ZNF296: variants seen among roughly 807,000 people sequenced by gnomAD.
ZNF296 encodes the protein zinc finger protein 342.
Under a neutral mutation model 13.2 loss-of-function variants are expected in ZNF296, and 1 was observed. The ratio of observed to expected loss-of-function variants is 0.08; its 90% CI spans 0.03 to 0.36. The LOEUF is 0.36. Ranked by LOEUF, ZNF296 falls within the 10% of genes least tolerant of loss-of-function variation. The probability of loss-of-function intolerance (pLI) is 0.99; values close to 1 mark genes in which losing one functional copy is unlikely to be tolerated. For synonymous variants in ZNF296, 303 were observed against 289.0 expected, an observed-to-expected ratio of 1.05 and a Z score of -0.49; for missense variants, 555 against 688.2, an observed-to-expected ratio of 0.81 and a Z score of 2.16.
intron 2 of ZNF296, among the ~76,000 whole-genome samples, chr19:45,075,239 G>T (rs1967322938): frequency 6.6e-6 from 1 of 152,180 alleles, no homozygotes; most frequent in African/African-American, 2.4e-5. Context: ...TGAACACTCA[G>T]CTGTACTAGC....
rs139857313 is a variant in ZNF296, at chr19:45,071,520, C to T, written c.*81G>A. The T allele has an allele frequency of 4.0e-3, 5,988 of 1,488,908 alleles. 63 individuals carry two copies. The highest frequency in any genetic ancestry group is 0.035 in the South Asian group (2,540 of 72,816). The allele number at this position is 1,488,908 out of a possible 1,614,324, so 92.2% of individuals were successfully genotyped here. A position where few individuals can be genotyped will look rare whatever the true frequency, so the allele number is the denominator to read the frequency against. On this transcript the variant is annotated 3_prime_UTR_variant, in exon 3 of 3. Coordinates refer to ENST00000303809, the MANE Select transcript of ZNF296 (RefSeq NM_145288.3). ...GGGTGTAAATAAAAGGGAAAATTTA[C>T]TTGGAGAAGGCGGGCAAAAACGAGG...
At position 45,071,841 on chromosome 19, in the gene ZNF296, G is replaced by C; in HGVS notation, c.1188C>G (p.Thr396=). 1 of 1,613,276 alleles carries C rather than the reference G, an allele frequency of 6.2e-7. No individual in the cohort carries two copies. Among genetic ancestry groups the C allele is most frequent in the Non-Finnish European group, 8.5e-7 (1 of 1,179,992 alleles). Residue 396 remains threonine, a synonymous_variant, in exon 3 of 3, where the codon ACC becomes ACG. Coordinates refer to ENST00000303809, the MANE Select transcript of ZNF296 (RefSeq NM_145288.3). The stretch of plus-strand genomic sequence containing the variant: ...GGTGCACCGTCAGGTTGCTGCTGTT[G>C]GTAAAATGCTTCCCGCAGAACTCAC... ...GSCEFCGKHF[T]NSSNLTVHRR... is the part of the protein sequence containing the mutation.
rs369360244 is a variant in ZNF296, at chr19:45,075,809, G to A, written c.352C>T (p.Leu118=). The A allele has an allele frequency of 4.3e-6, 7 of 1,614,046 alleles. No homozygotes were observed. The African/African-American group carries it at 9.3e-5, about 22-fold the overall frequency. Residue 118 remains leucine, a synonymous_variant, in exon 2 of 3, where the codon CTG becomes TTG. Coordinates refer to ENST00000303809, the MANE Select transcript of ZNF296 (RefSeq NM_145288.3). ...ATGGCCTCCAACGGGAAGGTCTGCA[G>A]GCAGCGGCCGCAGGTCAACAGATCT... The part of the protein sequence containing the change: ...HPDLLTCGRC[L]QTFPLEAITA...
At chr19:45,075,910 G>A in intron 1 of ZNF296, 48 bp from the exon 2 acceptor site, 1 of 1,608,516 alleles carries the variant, frequency 6.2e-7, no homozygotes, top group Middle Eastern at 1.9e-4. Context: ...CCAGGATGGG[G>A]GCTGAGGGTG....
Position 45,076,049 on chromosome 19 carries a change from G to C in ZNF296, c.298+27C>G. 1 of 1,575,114 alleles carries C rather than the reference G, an allele frequency of 6.3e-7. No homozygotes were observed. The highest frequency in any genetic ancestry group is 8.6e-7 in the Non-Finnish European group (1 of 1,166,312). ...CACCCGAGGGTCAAAGGTAAGGGAG[G>C]CTGGGCCCAGGGCCCGGGGTGCTCA... is the stretch of plus-strand genomic sequence containing the variant. On this transcript the variant is annotated intron_variant, in intron 1 of 2. Transcript: ENST00000303809. This position sits in a 1 kb window ranked among gnomAD's most constrained non-coding sequence, Gnocchi z 4.9.
chr19:45,075,728 G>T lies in ZNF296; in HGVS notation c.433C>A (p.Arg145Ser). The change falls in exon 2 of 3, where the codon CGC becomes AGC. Residue 145 changes from arginine to serine, a missense_variant. Arg to Ser is a moderately radical substitution (Grantham distance 110, BLOSUM62 -1). Transcript: ENST00000303809. Reference protein sequence around the residue: ...LGCQLFRGPSRGQGSEREELK... With the variant: ...LGCQLFRGPSSGQGSEREELK... ...CTTTACTCACCTGAGCCCTGGCCGCGGCTGGGGCCTCTGAAGAGCTGACAG... is the reference window on the plus strand; with the variant it reads ...CTTTACTCACCTGAGCCCTGGCCGCTGCTGGGGCCTCTGAAGAGCTGACAG... 1 of 1,614,048 alleles carries T rather than the reference G, an allele frequency of 6.2e-7. No homozygotes were observed. The highest frequency in any genetic ancestry group is 8.5e-7 in the Non-Finnish European group (1 of 1,179,994).
intron 2 of ZNF296, among the ~76,000 whole-genome samples, chr19:45,075,213 GC>G (rs752521675): frequency 2.0e-5 from 3 of 152,158 alleles, no homozygotes; most frequent in Admixed American, 2.0e-4. Context: ...GAAGCCAGAA[GC>G]CCCTTCCTTG....
intron 2 of ZNF296, among the ~76,000 whole-genome samples, chr19:45,073,932 G>C (rs1831692528): frequency 6.6e-6 from 1 of 151,792 alleles, no homozygotes; most frequent in South Asian, 2.1e-4. Context: ...TAAGGCAGGA[G>C]AATCGCTTGA....
chr19:45,074,816 TG>T (rs1199545399), intron 2 of ZNF296, among the ~76,000 whole-genome samples: 2 of 152,170 alleles, frequency 1.3e-5, no homozygotes, highest in Non-Finnish European at 2.9e-5. Context: ...AAGGTGCCCA[TG>T]ATTCTCCAAG....
Position 45,071,510 on chromosome 19 carries a change from G to T in ZNF296, c.*91C>A. The T allele has an allele frequency of 1.3e-6, 2 of 1,484,898 alleles. No homozygotes were observed. Among genetic ancestry groups the T allele is most frequent in the Admixed American group, 2.3e-5 (1 of 43,240 alleles). The allele number at this position is 1,484,898 out of a possible 1,614,324, so 92.0% of individuals were successfully genotyped here. A position where few individuals can be genotyped will look rare whatever the true frequency, so the allele number is the denominator to read the frequency against. On this transcript the variant is annotated 3_prime_UTR_variant, in exon 3 of 3. Transcript: ENST00000303809. ...GAGTCCAGACGGGTGTAAATAAAAGGGAAAATTTACTTGGAGAAGGCGGGC... is the reference window on the plus strand; with the variant it reads ...GAGTCCAGACGGGTGTAAATAAAAGTGAAAATTTACTTGGAGAAGGCGGGC...
intron 2 of ZNF296, among the ~76,000 whole-genome samples, chr19:45,072,962 G>A (rs1281517681): frequency 6.6e-6 from 1 of 152,170 alleles, no homozygotes; most frequent in Non-Finnish European, 1.5e-5. Context: ...GTGTTGGCCA[G>A]GCTGGTCTCG....
rs771798339 is a variant in ZNF296 at position 45,072,457 on chromosome 19, G to A, written c.572C>T (p.Ala191Val). The A allele has an allele frequency of 1.9e-6, 3 of 1,613,176 alleles. No homozygotes were observed. Among genetic ancestry groups the A allele is most frequent in the East Asian group, 2.2e-5 (1 of 44,886 alleles). The change falls in exon 3 of 3, where the codon GCC (alanine) becomes GTC (valine). Residue 191 changes from alanine (A) to valine (V), a missense_variant. Coordinates refer to ENST00000303809, the MANE Select transcript of ZNF296 (RefSeq NM_145288.3). ...CAGGCCCAGGAGCGGGGCCTCCGGG[G>A]CCTCTGATTCTGTCTGGTAGATGGA... Reference protein sequence around the residue: ...GLSIYQTESEAPEAPLLGLAE... With the variant: ...GLSIYQTESEVPEAPLLGLAE...
In ZNF296 at chr19:45,072,508, C is replaced by T. The variant is rs371879364; in HGVS notation, c.521G>A (p.Arg174His). The change falls in exon 3 of 3, where the codon CGT becomes CAT. Residue 174 changes from arginine to histidine, a missense_variant. Transcript: ENST00000303809. ...KQFTVAWKLL[R>H]HAQWDHGLSI... ...CAGTCCGTGGTCCCACTGGGCGTGACGCAGCAGCTTCCAGGCCACTGTGAA... is the reference window on the plus strand; with the variant it reads ...CAGTCCGTGGTCCCACTGGGCGTGATGCAGCAGCTTCCAGGCCACTGTGAA... The T allele has an allele frequency of 5.9e-5, 96 of 1,613,758 alleles. No individual in the cohort carries two copies. The highest frequency in any genetic ancestry group is 3.3e-4 in the Middle Eastern group (2 of 6,062).
chr19:45,073,597 C>A (rs1392867615), intron 2 of ZNF296, among the ~76,000 whole-genome samples: 1 of 150,930 alleles, frequency 6.6e-6, no homozygotes, highest in East Asian at 2.0e-4. Flanking sequence ...AGGTTTGAGC[C>A]ACCGCACCCG....
Position 45,072,077 on chromosome 19 carries a change from G to T in ZNF296, c.952C>A (p.Pro318Thr). The T allele has an allele frequency of 6.2e-7, 1 of 1,612,420 alleles. No individual in the cohort carries two copies. Among genetic ancestry groups the T allele is most frequent in the Non-Finnish European group, 8.5e-7 (1 of 1,179,814 alleles). The change falls in exon 3 of 3, where the codon CCA (proline) becomes ACA (threonine). Residue 318 changes from proline (P) to threonine (T), a missense_variant. Pro to Thr is a conservative substitution (Grantham distance 38, BLOSUM62 -1). This residue lies in a region of ZNF296 where 410 missense variants were observed against 548.0 expected (regional missense o/e 0.75). Coordinates refer to ENST00000303809, the MANE Select transcript of ZNF296 (RefSeq NM_145288.3). ...CCAGCCCCCTCACCACCGCTGCATG[G>T]AAGGGTGCTGGTGGGGGCAGCAGCA... ...VHAAAPTSTL[P>T]CSGGEGAGAA...
Position 45,071,731 on chromosome 19 carries a change from C to T in ZNF296, c.1298G>A (p.Arg433His), listed in dbSNP as rs748776753. 3.1e-6 allele frequency: 5 copies of T among 1,605,968 alleles called. No homozygotes were observed. The highest frequency in any genetic ancestry group is 1.3e-5 in the African/African-American group (1 of 74,844). ...CAQSSKLNRH[R>H]RMHGMTPGST... ...GCCAGGCGTCATGCCGTGCATGCGG[C>T]GGTGGCGGTTGAGCTTACTGCTCTG... Residue 433 changes from arginine (R) to histidine (H), a missense_variant, in exon 3 of 3, where the codon CGC becomes CAC. By Grantham distance (29) the Arg-to-His change is conservative (BLOSUM62 0). Coordinates refer to ENST00000303809, the MANE Select transcript of ZNF296 (RefSeq NM_145288.3).
Position 45,071,569 on chromosome 19 carries a change from T to C in ZNF296, c.*32A>G, listed in dbSNP as rs748270599. Reference sequence around the variant, plus strand: ...GGAGGTCAATGGGTGTTGGCAGCGGTACCAGGGACAGTGAGGGGGGCTTTC... The same window carrying C: ...GGAGGTCAATGGGTGTTGGCAGCGGCACCAGGGACAGTGAGGGGGGCTTTC... On this transcript the variant is annotated 3_prime_UTR_variant, in exon 3 of 3. Transcript: ENST00000303809. The C allele has an allele frequency of 7.3e-6, 11 of 1,503,876 alleles. No homozygotes were observed. Among genetic ancestry groups the C allele is most frequent in the Admixed American group, 2.3e-5 (1 of 44,020 alleles). The allele number at this position is 1,503,876 out of a possible 1,614,324, so 93.2% of individuals were successfully genotyped here. A position where few individuals can be genotyped will look rare whatever the true frequency, so the allele number is the denominator to read the frequency against.
intron 2 of ZNF296, among the ~76,000 whole-genome samples, chr19:45,073,350 G>A (rs549804412): frequency 6.6e-6 from 1 of 151,578 alleles, no homozygotes; most frequent in South Asian, 2.1e-4. Flanking sequence ...AAAGAGATGG[G>A]GTCCTGCTAT....
chr19:45,075,441 T>TG (rs544085682), intron 2 of ZNF296, among the ~76,000 whole-genome samples: 229 of 151,102 alleles, frequency 1.5e-3, no homozygotes, highest in South Asian at 3.4e-3. Context: ...GGGTGTGTGT[T>TG]GGGGGGGGCA....
Sources: allele counts gnomAD v4.1 joint callset (sites outside exome capture counted in the v4.1 genomes callset), GRCh38; gene constraint gnomAD v4.1.1; regional missense constraint gnomAD v4.1.1; non-coding constraint Gnocchi (gnomAD v3.1); transcripts MANE v1.5; gene names NCBI Gene and HGNC (gene_info 2026-07-23, HGNC 2026-07-21).